Variants in KATNA1 observed in about 807,000 individuals in gnomAD.
KATNA1 encodes katanin p60 ATPase-containing subunit A1.
A neutral mutation model predicts 62.6 loss-of-function variants in KATNA1; 42 were observed. The ratio of observed to expected loss-of-function variants is 0.67; its 90% CI spans 0.52 to 0.87. The LOEUF (loss-of-function observed/expected upper bound fraction) is 0.87, where lower values mean the gene tolerates loss of function less well. Ranked by LOEUF, KATNA1 falls within the 40% of genes least tolerant of loss-of-function variation. The probability of loss-of-function intolerance (pLI) is 0.00; values close to 1 mark genes in which losing one functional copy is unlikely to be tolerated. For missense variants in KATNA1, 498 were observed against 612.5 expected, an observed-to-expected ratio of 0.81 and a Z score of 1.97; for synonymous variants, 186 against 201.9, an observed-to-expected ratio of 0.92 and a Z score of 0.67.
chr6:149,620,975 CAG>C (rs1284967646), intron 4 of KATNA1, among the ~76,000 whole-genome samples: 3 of 152,088 alleles, frequency 2.0e-5, no homozygotes, highest in Non-Finnish European at 4.4e-5. Flanking sequence ...TGATGAGAAA[CAG>C]AGTATTTACA....
chr6:149,632,900 T>C lies in KATNA1; in HGVS notation c.179A>G (p.Asn60Ser), dbSNP rs1442146865. 2.5e-6 allele frequency: 4 copies of C among 1,606,108 alleles called. No individual in the cohort carries two copies. In the East Asian group the frequency reaches 6.7e-5, roughly 27 times the overall value. The change falls in exon 3 of 11, where the codon AAT (asparagine) becomes AGT (serine). Residue 60 changes from asparagine to serine, a missense_variant. This residue lies in a region of KATNA1 where 203 missense variants were observed against 198.4 expected (regional missense o/e 1.02). Transcript: ENST00000367411. ...ATCTTTAACATGTTTAGCTTCCACA[T>C]TTATTTCCTGCCAAACCTGATTTCA... ...QKWQQVWQEI[N>S]VEAKHVKDIM...
At chr6:149,614,770 G>C (rs983695038) in intron 4 of KATNA1, among the ~76,000 whole-genome samples, 1 of 152,078 alleles carries the variant, frequency 6.6e-6, no homozygotes, top group Non-Finnish European at 1.5e-5. Context: ...AGACCACAAA[G>C]AAAACAGCTA....
intron 2 of KATNA1, among the ~76,000 whole-genome samples, chr6:149,638,014 T>C: frequency 6.6e-6 from 1 of 152,288 alleles, no homozygotes; most frequent in East Asian, 1.9e-4. Context: ...CTAGCTCTGT[T>C]GCCCAGGCTG....
chr6:149,647,450 G>A (rs1261757079), intron 1 of KATNA1, among the ~76,000 whole-genome samples: 1 of 150,004 alleles, frequency 6.7e-6, no homozygotes, highest in African/African-American at 2.5e-5. Flanking sequence ...TTGAACCCGG[G>A]AGGCGGAGGT....
intron 7 of KATNA1, among the ~76,000 whole-genome samples, chr6:149,600,194 T>TAA (rs67468519): frequency 0.028 from 1,891 of 67,976 alleles, 110 homozygotes; most frequent in East Asian, 0.12. Flanking sequence ...GAGCTTATCT[T>TAA]AAAAAAAAAA....
At chr6:149,627,894 G>A (rs1409667316) in intron 3 of KATNA1, among the ~76,000 whole-genome samples, 2 of 151,912 alleles carry the variant, frequency 1.3e-5, no homozygotes, top group African/African-American at 4.9e-5. Flanking sequence ...CAGTGCCTGA[G>A]GGAGAGAGCT....
Position 149,594,974 on chromosome 6 carries a change from G to A in KATNA1, c.*62C>T, listed in dbSNP as rs1778240338. The A allele has an allele frequency of 7.6e-7, 1 of 1,309,188 alleles. No homozygotes were observed. Among genetic ancestry groups the A allele is most frequent in the Non-Finnish European group, 1.1e-6 (1 of 913,402 alleles). The allele number at this position is 1,309,188 out of a possible 1,614,324, so 81.1% of individuals were successfully genotyped here. A position where few individuals can be genotyped will look rare whatever the true frequency, so the allele number is the denominator to read the frequency against. On this transcript the variant is annotated 3_prime_UTR_variant, in exon 11 of 11. Coordinates refer to ENST00000367411, the MANE Select transcript of KATNA1 (RefSeq NM_007044.4). ...AAAAAAATATAGCACTCAGTACAAT[G>A]AATTACTGCATTTAATATTCAAACA...
intron 8 of KATNA1, 123 bp from the exon 9 acceptor site, chr6:149,597,764 C>G: frequency 4.8e-6 from 4 of 830,702 alleles, no homozygotes; most frequent in Non-Finnish European, 7.5e-6. Flanking sequence ...GTCTTAATGC[C>G]TCCTTAAGAC....
intron 7 of KATNA1, among the ~76,000 whole-genome samples, chr6:149,599,761 G>A (rs1410515772): frequency 6.6e-6 from 1 of 151,938 alleles, no homozygotes; most frequent in Non-Finnish European, 1.5e-5. Context: ...CAAGTGATCT[G>A]CCCGCCTCAA....
chr6:149,611,245 T>C (rs1036871198), intron 4 of KATNA1, among the ~76,000 whole-genome samples: 1 of 151,974 alleles, frequency 6.6e-6, no homozygotes, highest in Non-Finnish European at 1.5e-5. Context: ...AGGGATTGCC[T>C]GAGATCAGGA....
At chr6:149,597,467 A>G (rs754521658) in intron 9 of KATNA1, 40 bp downstream of exon 9, 2 of 1,603,176 alleles carry the variant, frequency 1.2e-6, no homozygotes, top group Non-Finnish European at 1.7e-6. Context: ...AAACTACATG[A>G]AAGTTAACAG....
At chr6:149,608,258 A>G (rs1214538454) in intron 4 of KATNA1, among the ~76,000 whole-genome samples, 1 of 152,206 alleles carries the variant, frequency 6.6e-6, no homozygotes, top group Non-Finnish European at 1.5e-5. Flanking sequence ...CCACAAACAC[A>G]GGAGGACTCT....
At chr6:149,640,865 GTTGTTT>G (rs773241824) in intron 1 of KATNA1, among the ~76,000 whole-genome samples, 5 of 140,162 alleles carry the variant, frequency 3.6e-5, no homozygotes, top group East Asian at 2.2e-4. Context: ...TTTTGTTGTT[GTTGTTT>G]TTGTTTTTGT....
rs982783858 is a variant in KATNA1, at chr6:149,597,157, G to A, written c.1183C>T (p.Leu395=). ...KGREELLRIS[L]RELELADDVD... is the part of the protein sequence containing the mutation. ...TCATCAGCCAATTCCAACTCACGTAGACTTATTCGTAATAGCTCCTCCCTG... is the reference window on the plus strand; with the variant it reads ...TCATCAGCCAATTCCAACTCACGTAAACTTATTCGTAATAGCTCCTCCCTG... Residue 395 remains leucine, a synonymous_variant, in exon 10 of 11, where the codon CTA becomes TTA. Coordinates refer to ENST00000367411, the MANE Select transcript of KATNA1 (RefSeq NM_007044.4). The A allele has an allele frequency of 2.5e-6, 4 of 1,613,846 alleles. No individual in the cohort carries two copies. The African/African-American group carries it at 5.3e-5, about 22-fold the overall frequency.
intron 2 of KATNA1, among the ~76,000 whole-genome samples, chr6:149,635,382 A>C (rs1247680744): frequency 6.6e-6 from 1 of 152,218 alleles, no homozygotes; most frequent in Non-Finnish European, 1.5e-5. Context: ...TACATTATAT[A>C]TGTATTTAAT....
intron 5 of KATNA1, among the ~76,000 whole-genome samples, chr6:149,603,668 C>A (rs1005888154): frequency 4.6e-5 from 7 of 152,182 alleles, no homozygotes; most frequent in African/African-American, 1.7e-4. Flanking sequence ...TAAACTCCTG[C>A]TCTTATGGTC....
At chr6:149,598,129 G>A (rs1778398131) in intron 8 of KATNA1, 95 bp downstream of exon 8, 1 of 1,390,028 alleles carries the variant, frequency 7.2e-7, no homozygotes, top group Admixed American at 2.0e-5. Context: ...TAAAAGCTTG[G>A]GTTAGCACTA....
intron 4 of KATNA1, among the ~76,000 whole-genome samples, chr6:149,612,968 A>G (rs1779015635): frequency 6.6e-6 from 1 of 151,926 alleles, no homozygotes; most frequent in African/African-American, 2.4e-5. Context: ...CCTGATAAAG[A>G]GTATCCACAA....
intron 4 of KATNA1, among the ~76,000 whole-genome samples, chr6:149,618,847 T>G (rs1391713351): frequency 1.3e-5 from 2 of 152,142 alleles, no homozygotes; most frequent in African/African-American, 2.4e-5. Flanking sequence ...ATTAAAGATA[T>G]AAACGTTTAC....
Sources: allele counts gnomAD v4.1 joint callset (sites outside exome capture counted in the v4.1 genomes callset), GRCh38; gene constraint gnomAD v4.1.1; regional missense constraint gnomAD v4.1.1; transcripts MANE v1.5; gene names NCBI Gene and HGNC (gene_info 2026-07-23, HGNC 2026-07-21).